Variants in KALRN observed in about 807,000 individuals in gnomAD.
The protein encoded by KALRN is kalirin.
In KALRN, 70 loss-of-function variants were observed where a neutral mutation model predicts 353.7. That is an observed-to-expected ratio of 0.20 (90% confidence interval 0.16 to 0.24). The LOEUF (loss-of-function observed/expected upper bound fraction) is 0.24, where lower values mean the gene tolerates loss of function less well. KALRN is among the 10% of genes least tolerant of loss of function. KALRN has a pLI of 1.00. For missense variants in KALRN, 2,791 were observed against 3,756.7 expected (o/e 0.74, Z 6.72); for synonymous variants, 1,391 against 1,434.8 (o/e 0.97, Z 0.69).
At chr3:124,154,917 A>G (rs1195854719) in intron 1 of KALRN, among the ~76,000 whole-genome samples, 2 of 152,242 alleles carry the variant, frequency 1.3e-5, no homozygotes, top group Non-Finnish European at 2.9e-5. Context: ...ACAGAGATAT[A>G]GATCAATGGA....
rs901157364 is a variant in KALRN at position 124,492,652 on chromosome 3, C to T, written c.4690-88C>T. 2.2e-6 allele frequency: 3 copies of T among 1,334,048 alleles called. No individual in the cohort carries two copies. In the African/African-American group the frequency reaches 4.4e-5, roughly 20 times the overall value. 82.6% of individuals were successfully genotyped at this position (1,334,048 alleles called of 1,614,324 possible). ...AGACATTTGGAATCCTTGAAAATAA[C>T]AGATGAAGACTGCAGGAGGGTTGAG... On this transcript the variant is annotated intron_variant, in intron 31 of 59. Coordinates refer to ENST00000682506, the MANE Select transcript of KALRN (RefSeq NM_001388419.1).
intron 33 of KALRN, among the ~76,000 whole-genome samples, chr3:124,503,553 A>G (rs1190614347): frequency 6.6e-6 from 1 of 152,068 alleles, no homozygotes; most frequent in East Asian, 1.9e-4. Flanking sequence ...TGTGGTAGGC[A>G]GGTGGCTGGA....
At chr3:124,218,648 C>A (rs1406862165) in intron 1 of KALRN, among the ~76,000 whole-genome samples, 1 of 152,186 alleles carries the variant, frequency 6.6e-6, no homozygotes, top group Non-Finnish European at 1.5e-5. Context: ...TGGATAGAAT[C>A]ACTTCTGAAG....
At chr3:124,328,175 T>C (rs2080119182) in intron 7 of KALRN, among the ~76,000 whole-genome samples, 1 of 152,200 alleles carries the variant, frequency 6.6e-6, no homozygotes, top group Non-Finnish European at 1.5e-5. Flanking sequence ...AACCCTATAC[T>C]TTGAGAGGGA....
In KALRN at chr3:124,266,040, G is replaced by A. The variant is rs565338567; in HGVS notation, c.456+1350G>A. On this transcript the variant is annotated intron_variant, in intron 4 of 59. Coordinates refer to ENST00000682506, the MANE Select transcript of KALRN (RefSeq NM_001388419.1). ...TGAGGCAGGAGAATCACTTGAACCC[G>A]GGAGGCGGAGGTTGCAGTGAGCTGA... 3.9e-5 allele frequency among the ~76,000 whole-genome samples: 6 copies of A among 152,236 alleles called. No individual in the cohort carries two copies. In the South Asian group the frequency reaches 8.3e-4, roughly 21 times the overall value.
chr3:124,683,396 C>G (rs1164916035), intron 51 of KALRN, among the ~76,000 whole-genome samples: 1 of 152,108 alleles, frequency 6.6e-6, no homozygotes, highest in African/African-American at 2.4e-5. Flanking sequence ...GAAAAGTTGT[C>G]TGAGAACTGT....
intron 1 of KALRN, among the ~76,000 whole-genome samples, chr3:124,104,134 C>T (rs988360547): frequency 3.9e-5 from 6 of 152,042 alleles, no homozygotes; most frequent in Non-Finnish European, 7.4e-5. Context: ...TTTGTGATGC[C>T]GCAGGTACTC....
At chr3:124,518,653 G>C in intron 33 of KALRN, 3 of 1,449,806 alleles carry the variant, frequency 2.1e-6, no homozygotes, top group Non-Finnish European at 2.7e-6. Context: ...CTCACCCTCG[G>C]GGCTCCCTTC....
intron 34 of KALRN, among the ~76,000 whole-genome samples, chr3:124,614,039 A>C (rs1168681072): frequency 6.6e-6 from 1 of 152,210 alleles, no homozygotes; most frequent in African/African-American, 2.4e-5. Context: ...TCATGGGTTG[A>C]GTATAAACCT....
chr3:124,398,284 G>T (rs9829076), intron 12 of KALRN, among the ~76,000 whole-genome samples: 20,288 of 152,184 alleles, frequency 0.13, 1,518 homozygotes, highest in Admixed American at 0.17. Flanking sequence ...TATGCCTTTA[G>T]TATGTTTGTC....
intron 1 of KALRN, among the ~76,000 whole-genome samples, chr3:124,126,476 G>A (rs560144182): frequency 6.6e-6 from 1 of 152,266 alleles, no homozygotes; most frequent in Middle Eastern, 3.4e-3. Flanking sequence ...ACGGAGGTTT[G>A]TGTGTGGTCT....
chr3:124,348,784 C>T (rs564772441), intron 10 of KALRN, among the ~76,000 whole-genome samples: 8 of 152,120 alleles, frequency 5.3e-5, no homozygotes, highest in Admixed American at 3.9e-4. Context: ...GTGATGTGAT[C>T]GTGACTCACT....
chr3:124,354,312 G>A (rs573387902), intron 10 of KALRN, among the ~76,000 whole-genome samples: 29 of 152,310 alleles, frequency 1.9e-4, no homozygotes, highest in African/African-American at 6.7e-4. Flanking sequence ...GCAAAGAAGG[G>A]AAGCTTTGAG....
intron 10 of KALRN, among the ~76,000 whole-genome samples, chr3:124,375,896 A>G (rs2086519085): frequency 6.6e-6 from 1 of 152,224 alleles, no homozygotes; most frequent in Admixed American, 6.5e-5. Context: ...GCACCCCAGC[A>G]AAGAACAACT....
chr3:124,716,511 G>A (rs1007345598), intron 58 of KALRN, among the ~76,000 whole-genome samples: 1 of 152,184 alleles, frequency 6.6e-6, no homozygotes, highest in Non-Finnish European at 1.5e-5. Context: ...GTGAAAGAGA[G>A]ACTTTGTCTC....
intron 14 of KALRN, among the ~76,000 whole-genome samples, chr3:124,420,341 C>T (rs1027081919): frequency 6.6e-6 from 1 of 152,214 alleles, no homozygotes; most frequent in Non-Finnish European, 1.5e-5. Flanking sequence ...GCATCCTGAA[C>T]ACCAGAGACA....
intron 10 of KALRN, among the ~76,000 whole-genome samples, chr3:124,353,644 G>A (rs1165426656): frequency 3.3e-5 from 5 of 152,008 alleles, no homozygotes; most frequent in Non-Finnish European, 7.4e-5. Context: ...TGCCAGAGAT[G>A]ATGACCAATT....
chr3:124,695,859 T>A (rs2062027146), intron 53 of KALRN, among the ~76,000 whole-genome samples: 2 of 152,208 alleles, frequency 1.3e-5, no homozygotes, highest in African/African-American at 4.8e-5. Context: ...ACTTTATATA[T>A]TTCAAACAAT....
intron 14 of KALRN, among the ~76,000 whole-genome samples, chr3:124,418,476 G>A (rs1052433065): frequency 2.0e-5 from 3 of 152,190 alleles, no homozygotes; most frequent in African/African-American, 7.2e-5. Flanking sequence ...GGTAGAGGGA[G>A]TGACACAGAC....
Sources: allele counts gnomAD v4.1 joint callset (sites outside exome capture counted in the v4.1 genomes callset), GRCh38; gene constraint gnomAD v4.1.1; transcripts MANE v1.5; gene names NCBI Gene and HGNC (gene_info 2026-07-23, HGNC 2026-07-21).